Variants in DNAAF11 observed in about 807,000 individuals in gnomAD.
DNAAF11 encodes leucine rich repeat containing 6.
A neutral mutation model predicts 60.8 loss-of-function variants in DNAAF11; 45 were observed. The observed-to-expected ratio is 0.74, with a 90% CI of 0.58 to 0.95. The LOEUF is 0.95. Among genes scored for constraint, DNAAF11 ranks in the 40% least tolerant of loss-of-function variants. DNAAF11 has a pLI of 0.00. For missense variants in DNAAF11, 546 were observed against 546.2 expected (o/e 1.00, Z 0.00); for synonymous variants, 191 against 183.5 (o/e 1.04, Z -0.33).
At chr8:132,623,316 G>T (rs1467010978) in intron 6 of DNAAF11, among the ~76,000 whole-genome samples, 2 of 151,974 alleles carry the variant, frequency 1.3e-5, no homozygotes, top group Non-Finnish European at 2.9e-5. Context: ...GAAAAGTGTT[G>T]ATGATGTATT....
At chr8:132,633,059 T>C in intron 4 of DNAAF11, 96 bp from the exon 5 acceptor site, 3 of 685,476 alleles carry the variant, frequency 4.4e-6, no homozygotes, top group East Asian at 5.4e-5. Flanking sequence ...ATATACCCGA[T>C]AGTGATAGAG....
chr8:132,672,911 T>C (rs953768517), intron 1 of DNAAF11, among the ~76,000 whole-genome samples: 3 of 152,248 alleles, frequency 2.0e-5, no homozygotes, highest in African/African-American at 7.2e-5. Context: ...ACAGGTACAC[T>C]AGATGAACTC....
chr8:132,644,278 G>C (rs1822144483), intron 3 of DNAAF11, among the ~76,000 whole-genome samples: 1 of 152,100 alleles, frequency 6.6e-6, no homozygotes, highest in Non-Finnish European at 1.5e-5. Context: ...AATCTGCTCA[G>C]AACAGTTATA....
intron 3 of DNAAF11, among the ~76,000 whole-genome samples, chr8:132,642,631 A>C (rs983204816): frequency 1.3e-5 from 2 of 152,236 alleles, no homozygotes; most frequent in African/African-American, 4.8e-5. Context: ...TCGTAAAGGC[A>C]GTGAGAGAGA....
At chr8:132,696,061 G>A in the DNAAF11 span, among the ~76,000 whole-genome samples, 1 of 152,164 alleles carries the variant, frequency 6.6e-6, no homozygotes, top group Non-Finnish European at 1.5e-5. Flanking sequence ...TGGGGGAGGT[G>A]CAGTTATGGG....
chr8:132,604,407 G>C (rs1564009377), intron 10 of DNAAF11, among the ~76,000 whole-genome samples: 2 of 152,084 alleles, frequency 1.3e-5, no homozygotes, highest in Non-Finnish European at 2.9e-5. Context: ...CCACTGAAGT[G>C]GTAAATATAT....
intron 8 of DNAAF11, among the ~76,000 whole-genome samples, chr8:132,613,942 T>C (rs995473339): frequency 6.6e-6 from 1 of 152,052 alleles, no homozygotes; most frequent in African/African-American, 2.4e-5. Context: ...TGCATGTCAA[T>C]GTCATACTCC....
rs146531256 is a variant in DNAAF11, at chr8:132,582,835, T to C, written c.1226+859A>G. Among the ~76,000 whole-genome samples the C allele has an allele frequency of 4.0e-3, 605 of 152,320 alleles. 11 individuals are homozygous for C. The highest frequency in any genetic ancestry group is 0.014 in the African/African-American group (584 of 41,580). On this transcript the variant is annotated intron_variant, in intron 11 of 11. Transcript: ENST00000620350. ...ATAGTTTGCCTTACTTCAAAATAGA[T>C]TTTACCATCTGGATGATAAGAGTCT...
At chr8:132,641,848 T>C (rs572959066) in intron 3 of DNAAF11, among the ~76,000 whole-genome samples, 2 of 152,330 alleles carry the variant, frequency 1.3e-5, no homozygotes, top group South Asian at 4.1e-4. Flanking sequence ...TATTCAATGT[T>C]TAATGTTATA....
At chr8:132,664,186 T>A (rs970465905) in intron 1 of DNAAF11, among the ~76,000 whole-genome samples, 1 of 152,236 alleles carries the variant, frequency 6.6e-6, no homozygotes. Flanking sequence ...TGTATCCATA[T>A]TGAAGATATA....
the DNAAF11 span, among the ~76,000 whole-genome samples, chr8:132,684,662 A>T: frequency 6.6e-6 from 1 of 152,138 alleles, no homozygotes; most frequent in Non-Finnish European, 1.5e-5. Context: ...GACACTAGAG[A>T]TTGCCTCCTA....
chr8:132,597,998 T>A (rs1563997443), intron 10 of DNAAF11, among the ~76,000 whole-genome samples: 2 of 152,204 alleles, frequency 1.3e-5, no homozygotes, highest in Non-Finnish European at 2.9e-5. Context: ...CTGCTAATGA[T>A]CCAAAAGTAA....
intron 9 of DNAAF11, among the ~76,000 whole-genome samples, chr8:132,610,602 TG>T: frequency 6.6e-6 from 1 of 152,258 alleles, no homozygotes. Context: ...TAGCAAAAAA[TG>T]GTATTTTAGA....
Position 132,622,599 on chromosome 8 carries a change from G to A in DNAAF11, c.914+12C>T. 1.2e-6 allele frequency: 2 copies of A among 1,606,676 alleles called. No individual in the cohort carries two copies. Among genetic ancestry groups the A allele is most frequent in the Non-Finnish European group, 1.7e-6 (2 of 1,174,358 alleles). ...CTTTTGGGTCTTTAACGCTCTATTT[G>A]GCCTCACATACTTGGGCTCATTCAC... is the stretch of plus-strand genomic sequence containing the variant. On this transcript the variant is annotated intron_variant, in intron 7 of 11. Transcript: ENST00000620350.
intron 1 of DNAAF11, among the ~76,000 whole-genome samples, chr8:132,673,275 G>A (rs142048505): frequency 5.2e-4 from 79 of 152,264 alleles, no homozygotes; most frequent in African/African-American, 1.8e-3. Context: ...AAGAAATAGA[G>A]ATGTCAGTAA....
intron 5 of DNAAF11, among the ~76,000 whole-genome samples, chr8:132,627,620 C>G (rs1820403843): frequency 6.6e-6 from 1 of 152,292 alleles, no homozygotes; most frequent in South Asian, 2.1e-4. Flanking sequence ...TTCCCTCCCC[C>G]TCCAACCCAT....
the DNAAF11 span, among the ~76,000 whole-genome samples, chr8:132,687,182 C>T: frequency 2.0e-5 from 3 of 152,158 alleles, no homozygotes; most frequent in Admixed American, 6.5e-5. Flanking sequence ...ATAAAAATTA[C>T]AAAGGATGAT....
At chr8:132,676,791 G>T (rs567588890), upstream of DNAAF11, among the ~76,000 whole-genome samples, 4 of 152,178 alleles carry the variant, frequency 2.6e-5, no homozygotes, top group East Asian at 7.7e-4. Context: ...TAGATCGGGG[G>T]TAATGGGGGC....
At chr8:132,589,863 A>C (rs931645196) in intron 10 of DNAAF11, among the ~76,000 whole-genome samples, 2 of 152,216 alleles carry the variant, frequency 1.3e-5, no homozygotes, top group Non-Finnish European at 2.9e-5. Context: ...ATTTGCATGA[A>C]ATACAATCCA....
Sources: gnomAD v4.1 joint callset for allele counts (sites outside exome capture counted in the v4.1 genomes callset) on GRCh38, gnomAD v4.1.1 for gene constraint, MANE v1.5 for transcripts, NCBI Gene and HGNC (gene_info 2026-07-23, HGNC 2026-07-21) for gene names.